Variants in DMD observed in about 807,000 individuals in gnomAD.
DMD encodes the protein mutant dystrophin.
DMD carries 63 observed loss-of-function variants against 330.1 expected under a neutral mutation model. The ratio of observed to expected loss-of-function variants is 0.19; its 90% CI spans 0.16 to 0.24. The LOEUF is 0.24. DMD is among the 10% of genes least tolerant of loss of function. DMD has a pLI of 1.00. For synonymous variants in DMD, 1,223 were observed against 959.8 expected, an observed-to-expected ratio of 1.27 and a Z score of -5.07; for missense variants, 3,344 against 2,684.1, an observed-to-expected ratio of 1.25 and a Z score of -5.43.
intron 1 of DMD, among the ~76,000 whole-genome samples, chrX:33,030,380 C>T (rs938796112): frequency 2.7e-5 from 3 of 111,705 alleles, no homozygotes; most frequent in Non-Finnish European, 3.8e-5. Context: ...ATTATACCTC[C>T]TCATGCTCAA....
intron 20 of DMD, among the ~76,000 whole-genome samples, chrX:32,488,407 C>T (rs753258179): frequency 4.5e-5 from 5 of 110,910 alleles, no homozygotes; most frequent in East Asian, 2.8e-4. Flanking sequence ...CCAGTTCTGC[C>T]GATCATTAGA....
intron 59 of DMD, among the ~76,000 whole-genome samples, chrX:31,457,500 T>C (rs1389379263): frequency 8.9e-6 from 1 of 111,861 alleles, no homozygotes; most frequent in Non-Finnish European, 1.9e-5. Context: ...TGACTATTAA[T>C]AACTAGGCTT....
chrX:32,270,634 G>A (rs977636389), intron 43 of DMD, among the ~76,000 whole-genome samples: 2 of 111,306 alleles, frequency 1.8e-5, no homozygotes, highest in African/African-American at 3.3e-5. Context: ...AAGAGAGAAC[G>A]CTAGTTATAA....
intron 47 of DMD, among the ~76,000 whole-genome samples, chrX:31,908,339 G>A (rs1438367434): frequency 2.7e-5 from 3 of 111,732 alleles, no homozygotes; most frequent in African/African-American, 9.8e-5. Context: ...TGATAGACTG[G>A]ATTAAGAAAA....
At chrX:33,269,309 A>C (rs756260429) in intron 1 of DMD, among the ~76,000 whole-genome samples, 6 of 111,401 alleles carry the variant, frequency 5.4e-5, no homozygotes, top group Non-Finnish European at 1.1e-4. Flanking sequence ...GAGCTGGAGG[A>C]CATTATATTA....
At chrX:31,652,044 G>A (rs1440814885) in intron 54 of DMD, among the ~76,000 whole-genome samples, 1 of 111,678 alleles carries the variant, frequency 9.0e-6, no homozygotes, top group Non-Finnish European at 1.9e-5. Flanking sequence ...CTTCCTGCTC[G>A]CTTGATCCTT....
intron 1 of DMD, among the ~76,000 whole-genome samples, chrX:33,123,904 C>G (rs1403300240): frequency 1.8e-5 from 2 of 110,299 alleles, no homozygotes; most frequent in African/African-American, 6.6e-5. Flanking sequence ...GTGAGTCACT[C>G]CTATAATCCC....
intron 44 of DMD, among the ~76,000 whole-genome samples, chrX:32,125,012 G>A (rs1186388731): frequency 1.8e-5 from 2 of 109,146 alleles, no homozygotes; most frequent in African/African-American, 3.3e-5. Context: ...CAGAGAATGA[G>A]CAGATGAGAG....
At chrX:32,720,202 T>TA (rs1470364389) in intron 7 of DMD, among the ~76,000 whole-genome samples, 2 of 110,914 alleles carry the variant, frequency 1.8e-5, no homozygotes, top group African/African-American at 6.5e-5. Flanking sequence ...TTATTGTTGT[T>TA]ACCTTTTCTA....
intron 1 of DMD, among the ~76,000 whole-genome samples, chrX:33,257,240 A>C (rs2052873418): frequency 9.0e-6 from 1 of 111,287 alleles, no homozygotes; most frequent in African/African-American, 3.2e-5. Context: ...TAAAAAATAA[A>C]AGTTTTTTCT....
intron 47 of DMD, among the ~76,000 whole-genome samples, chrX:31,922,256 T>C (rs930495508): frequency 3.6e-5 from 4 of 111,361 alleles, no homozygotes; most frequent in African/African-American, 1.3e-4. Flanking sequence ...GGTGGTGCAC[T>C]CAGGGAGGGC....
chrX:33,070,673 CTATATATATATATA>C (rs59422325), intron 1 of DMD, among the ~76,000 whole-genome samples: 19 of 35,638 alleles, frequency 5.3e-4, no homozygotes, highest in East Asian at 4.8e-3. Flanking sequence ...CTCTCTCTCT[CTATATATATATATA>C]TATATATATA....
chrX:32,112,591 C>T (rs1603626050), intron 44 of DMD, among the ~76,000 whole-genome samples: 1 of 111,665 alleles, frequency 9.0e-6, no homozygotes, highest in Non-Finnish European at 1.9e-5. Context: ...GAAGAATCAT[C>T]ATCATCAGAA....
intron 2 of DMD, among the ~76,000 whole-genome samples, chrX:32,965,492 T>C (rs1187465961): frequency 4.7e-5 from 2 of 42,896 alleles, no homozygotes; most frequent in Admixed American, 3.4e-4. Flanking sequence ...AGACTCTGTC[T>C]CAAAAAAAAA....
chrX:31,264,103 G>A lies in DMD; in HGVS notation c.9225-3087C>T, dbSNP rs142685337. On this transcript the variant is annotated intron_variant, in intron 62 of 78. Coordinates refer to ENST00000357033, the MANE Select transcript of DMD (RefSeq NM_004006.3). ...CTCATATCTATCTTGTACCTTGAAGGACAAACCACATTTTTGTCTGTGATC... is the reference window on the plus strand; with the variant it reads ...CTCATATCTATCTTGTACCTTGAAGAACAAACCACATTTTTGTCTGTGATC... Among the ~76,000 whole-genome samples, 333 of 112,071 alleles carry A rather than the reference G, an allele frequency of 3.0e-3. 1 individual carries two copies. Among genetic ancestry groups the A allele is most frequent in the African/African-American group, 0.011 (326 of 30,849 alleles).
chrX:32,584,988 T>C (rs1178838362), intron 13 of DMD, among the ~76,000 whole-genome samples: 1 of 111,897 alleles, frequency 8.9e-6, no homozygotes, highest in Non-Finnish European at 1.9e-5. Context: ...AGGTTATATA[T>C]ACATAATGCA....
intron 1 of DMD, among the ~76,000 whole-genome samples, chrX:33,063,090 C>G (rs926359994): frequency 8.9e-6 from 1 of 111,885 alleles, no homozygotes; most frequent in Non-Finnish European, 1.9e-5. Flanking sequence ...AGCTGCTTCA[C>G]TTATTGTTAA....
chrX:31,974,252 C>T (rs1238325417), intron 44 of DMD, among the ~76,000 whole-genome samples: 1 of 110,104 alleles, frequency 9.1e-6, no homozygotes, highest in South Asian at 3.9e-4. Context: ...ACAGATACCG[C>T]GGACTAGTAG....
intron 53 of DMD, among the ~76,000 whole-genome samples, chrX:31,670,462 T>C (rs981633720): frequency 1.8e-5 from 2 of 111,867 alleles, no homozygotes; most frequent in Non-Finnish European, 3.8e-5. Context: ...AATCCTCTTC[T>C]GTATTCGTTT....
Sources: gnomAD v4.1 joint callset for allele counts (sites outside exome capture counted in the v4.1 genomes callset) on GRCh38, gnomAD v4.1.1 for gene constraint, MANE v1.5 for transcripts, NCBI Gene and HGNC (gene_info 2026-07-23, HGNC 2026-07-21) for gene names.